RYR1: variants seen among roughly 807,000 people sequenced by gnomAD.
The protein encoded by RYR1 is ryanodine receptor 1.
A neutral mutation model predicts 583.5 loss-of-function variants in RYR1; 342 were observed. The ratio of observed to expected loss-of-function variants is 0.59; its 90% CI spans 0.54 to 0.64. The LOEUF (loss-of-function observed/expected upper bound fraction) is 0.64, where lower values mean the gene tolerates loss of function less well. Among genes scored for constraint, RYR1 ranks in the 30% least tolerant of loss-of-function variants. RYR1 has a pLI of 0.00. For synonymous variants in RYR1, 2,791 were observed against 2,822.5 expected, an observed-to-expected ratio of 0.99 and a Z score of 0.35; for missense variants, 6,032 against 6,917.2, an observed-to-expected ratio of 0.87 and a Z score of 4.54.
Position 38,507,713 on chromosome 19 carries a change from G to C in RYR1, c.8818G>C (p.Gly2940Arg), listed in dbSNP as rs1970538605. The stretch of plus-strand genomic sequence containing the variant: ...CCTTCTCTCCACATCTCCATGCAGA[G>C]GCCTTAAGGACATGGAACTGGACTC... ...LQMNGYAVTR[G>R]LKDMELDSSS... The change falls in exon 58 of 106, where the codon GGC becomes CGC. Residue 2940 changes from glycine (G) to arginine (R), a missense_variant and splice_region_variant. Gly to Arg is a moderately radical substitution (Grantham distance 125). This residue lies in a region of RYR1 where 1,493 missense variants were observed against 1,715.5 expected (regional missense o/e 0.87). Transcript: ENST00000359596. The C allele has an allele frequency of 1.3e-6, 2 of 1,595,824 alleles. No individual in the cohort carries two copies. The highest frequency in any genetic ancestry group is 1.7e-6 in the Non-Finnish European group (2 of 1,163,532).
At chr19:38,446,827 G>A (rs1972966676) in intron 9 of RYR1, 59 bp downstream of exon 9, 2 of 1,422,686 alleles carry the variant, frequency 1.4e-6, no homozygotes, top group Non-Finnish European at 2.0e-6. Context: ...GGCAGGCTGG[G>A]AGGACAGAAA....
intron 87 of RYR1, among the ~76,000 whole-genome samples, chr19:38,545,929 T>C (rs17722095): frequency 0.061 from 9,237 of 152,268 alleles, 408 homozygotes; most frequent in South Asian, 0.22. Flanking sequence ...GAGGTTTCTA[T>C]GGGCCCTACA....
At chr19:38,448,115 G>C (rs1449256540) in intron 9 of RYR1, among the ~76,000 whole-genome samples, 1 of 151,792 alleles carries the variant, frequency 6.6e-6, no homozygotes, top group East Asian at 1.9e-4. Flanking sequence ...AGGGTTCGGG[G>C]CTTGAGGAGG....
chr19:38,531,002 T>G (rs12462061), intron 76 of RYR1, among the ~76,000 whole-genome samples: 3,229 of 149,266 alleles, frequency 0.022, 81 homozygotes, highest in Admixed American at 0.07. Flanking sequence ...TTTTTTTTTT[T>G]TTTGTATTTT....
chr19:38,536,138 C>T (rs1211833410), intron 82 of RYR1, 68 bp downstream of exon 82: 2 of 1,386,466 alleles, frequency 1.4e-6, no homozygotes, highest in African/African-American at 2.9e-5. Context: ...CACCCCACCC[C>T]CACCCGCCAT....
chr19:38,567,658 A>G, intron 92 of RYR1, 115 bp from the exon 93 acceptor site: 3 of 1,474,466 alleles, frequency 2.0e-6, no homozygotes, highest in Admixed American at 3.4e-5. Flanking sequence ...TGTACCCAGT[A>G]CCATCCAAAC....
At chr19:38,554,738 G>A (rs1401262589) in intron 89 of RYR1, among the ~76,000 whole-genome samples, 5 of 152,022 alleles carry the variant, frequency 3.3e-5, no homozygotes, top group Non-Finnish European at 2.9e-5. Context: ...CTCCCAAAGC[G>A]CTGGGATTAC....
chr19:38,465,055 T>C (rs554120619), intron 23 of RYR1, among the ~76,000 whole-genome samples: 1 of 152,032 alleles, frequency 6.6e-6, no homozygotes, highest in African/African-American at 2.4e-5. Flanking sequence ...CTGGAGGTCG[T>C]TGGAGTCGTC....
intron 96 of RYR1, among the ~76,000 whole-genome samples, chr19:38,573,881 C>G (rs1222583653): frequency 6.6e-6 from 1 of 152,056 alleles, no homozygotes; most frequent in Non-Finnish European, 1.5e-5. Context: ...GGGGTGTGAG[C>G]CCAGGAACCC....
chr19:38,446,915 A>C, intron 9 of RYR1, 147 bp downstream of exon 9: 1 of 665,586 alleles, frequency 1.5e-6, no homozygotes, highest in Non-Finnish European at 2.5e-6. Flanking sequence ...AGAGATGAAA[A>C]TCTCGGCCAG....
chr19:38,471,745 A>T (rs1469378874), intron 27 of RYR1, among the ~76,000 whole-genome samples: 1 of 151,910 alleles, frequency 6.6e-6, no homozygotes, highest in Non-Finnish European at 1.5e-5. Context: ...TTCTAAAAAT[A>T]CAAAAAATTA....
chr19:38,575,844 C>A, intron 96 of RYR1, 75 bp from the exon 97 acceptor site: 1 of 1,500,642 alleles, frequency 6.7e-7, no homozygotes, highest in Non-Finnish European at 9.3e-7. Flanking sequence ...TTCAGCCAAC[C>A]CTGTCGTGGC....
Position 38,502,629 on chromosome 19 carries a change from G to A in RYR1, c.7737G>A (p.Val2579=), listed in dbSNP as rs114975624. The part of the protein sequence containing the change: ...FAGTEHRAIM[V]DSMLHTVYRL... ...GCACAGAACACCGCGCCATCATGGT[G>A]GACTCTATGCTGCATACCGTGTACC... The change falls in exon 48 of 106, where the codon GTG becomes GTA. Residue 2579 remains valine, a synonymous_variant. Transcript: ENST00000359596. 2,670 of 1,613,096 alleles carry A rather than the reference G, an allele frequency of 1.7e-3. 43 individuals are homozygous for A. In the African/African-American group the frequency reaches 0.032, roughly 19 times the overall value.
intron 1 of RYR1, 86 bp from the exon 2 acceptor site, chr19:38,440,659 C>T: frequency 1.3e-6 from 2 of 1,514,940 alleles, no homozygotes; most frequent in Non-Finnish European, 9.0e-7. Context: ...TCATAAGGAC[C>T]AGGGTGGGAG....
At chr19:38,491,954 C>T (rs1969571322) in intron 37 of RYR1, among the ~76,000 whole-genome samples, 1 of 152,080 alleles carries the variant, frequency 6.6e-6, no homozygotes, top group African/African-American at 2.4e-5. Context: ...TATGATATTT[C>T]CTTTTAATTC....
At position 38,505,822 on chromosome 19, in the gene RYR1, G is replaced by T; in HGVS notation, c.8417G>T (p.Arg2806Leu). 1 of 1,614,112 alleles carries T rather than the reference G, an allele frequency of 6.2e-7. No individual in the cohort carries two copies. The highest frequency in any genetic ancestry group is 8.5e-7 in the Non-Finnish European group (1 of 1,180,032). The change falls in exon 54 of 106, where the codon CGC becomes CTC. Residue 2806 changes from arginine to leucine, a missense_variant. By Grantham distance (102) the Arg-to-Leu change is moderately radical (BLOSUM62 -2). This residue lies in a region of RYR1 where 1,493 missense variants were observed against 1,715.5 expected (regional missense o/e 0.87). Transcript: ENST00000359596. ...CCACCCCAGGACAAAGAGATTTACC[G>T]CTGGCCCATCAAGGAGTCCCTGAAG... is the stretch of plus-strand genomic sequence containing the variant. ...TFSEKDKEIY[R>L]WPIKESLKAM...
At chr19:38,568,016 C>A in intron 93 of RYR1, 99 bp downstream of exon 93, 2 of 1,394,066 alleles carry the variant, frequency 1.4e-6, no homozygotes, top group Non-Finnish European at 2.0e-6. Flanking sequence ...TTCATCTGTT[C>A]AAGCTCGTCT....
chr19:38,556,480 A>AG (rs1972884882), intron 89 of RYR1, among the ~76,000 whole-genome samples: 2 of 122,826 alleles, frequency 1.6e-5, no homozygotes, highest in South Asian at 6.3e-4. Flanking sequence ...AGACTCTGTT[A>AG]AAAAAAAAAA....
chr19:38,464,452 C>G (rs1967979590), intron 22 of RYR1, among the ~76,000 whole-genome samples, 187 bp from the exon 23 acceptor site: 1 of 152,062 alleles, frequency 6.6e-6, no homozygotes, highest in African/African-American at 2.4e-5. Context: ...GTTAGTTATA[C>G]AGACAAGGCG....
Sources: allele counts gnomAD v4.1 joint callset (sites outside exome capture counted in the v4.1 genomes callset), GRCh38; gene constraint gnomAD v4.1.1; regional missense constraint gnomAD v4.1.1; transcripts MANE v1.5; gene names NCBI Gene and HGNC (gene_info 2026-07-23, HGNC 2026-07-21).